The following RAB13 variants were observed in gnomAD, a reference collection of about 807,000 sequenced individuals.
The protein encoded by RAB13 is RAB13, member RAS oncogene family, also known as ras-related protein Rab-13.
In RAB13, 15 loss-of-function variants were observed where a neutral mutation model predicts 29.3. The ratio of observed to expected loss-of-function variants is 0.51; its 90% confidence interval spans 0.34 to 0.79. The LOEUF (loss-of-function observed/expected upper bound fraction) is 0.79, where lower values mean the gene tolerates loss of function less well. RAB13 is among the 30% of genes least tolerant of loss of function. The pLI, the probability that RAB13 is intolerant of heterozygous loss-of-function variation, is 0.01. For missense variants in RAB13, 186 were observed against 255.5 expected (o/e 0.73, Z 1.85); for synonymous variants, 82 against 93.8 (o/e 0.87, Z 0.73).
upstream of RAB13, among the ~76,000 whole-genome samples, chr1:153,987,206 G>C (rs960211765): frequency 6.6e-6 from 1 of 152,120 alleles, no homozygotes; most frequent in Non-Finnish European, 1.5e-5. Flanking sequence ...TGAACAGCAC[G>C]GGTATAAAGA....
At chr1:153,990,624 G>C (rs933484181), upstream of RAB13, 1 of 756,130 alleles carries the variant, frequency 1.3e-6, no homozygotes, top group Non-Finnish European at 2.3e-6. Context: ...AACAGTTAAA[G>C]ACCTTCCGAA....
intron 2 of RAB13, among the ~76,000 whole-genome samples, chr1:153,983,862 T>C (rs1398168076): frequency 4.6e-5 from 7 of 152,156 alleles, no homozygotes; most frequent in Non-Finnish European, 8.8e-5. Flanking sequence ...GTAAGACATG[T>C]ATTATTGTCT....
At chr1:153,982,488 C>A in intron 6 of RAB13, 44 bp from the exon 7 acceptor site, 1 of 1,607,222 alleles carries the variant, frequency 6.2e-7, no homozygotes, top group South Asian at 1.1e-5. Flanking sequence ...GAGAATCTAC[C>A]TTCTAATACT....
upstream of RAB13, among the ~76,000 whole-genome samples, chr1:153,987,244 C>T (rs1649196079): frequency 6.6e-6 from 1 of 152,128 alleles, no homozygotes; most frequent in African/African-American, 2.4e-5. Flanking sequence ...CGGTGGCTCA[C>T]GCCTGTAATC....
At chr1:153,986,367 C>G, upstream of RAB13, 1 of 765,342 alleles carries the variant, frequency 1.3e-6, no homozygotes, top group Non-Finnish European at 2.1e-6. Flanking sequence ...CGCCCAGGCT[C>G]CGGGAAAGAG....
chr1:153,983,701 C>G (rs1571128513), intron 2 of RAB13, 120 bp from the exon 3 acceptor site: 1 of 823,578 alleles, frequency 1.2e-6, no homozygotes. Flanking sequence ...AATAAGGAAA[C>G]AGTAAAGGGG....
At chr1:153,987,773 A>AC (rs1433474741), upstream of RAB13, among the ~76,000 whole-genome samples, 6 of 92,736 alleles carry the variant, frequency 6.5e-5, no homozygotes, top group Non-Finnish European at 1.0e-4. Context: ...GACTGCTTCG[A>AC]CAAAAAAAAA....
At chr1:153,990,650 G>C, upstream of RAB13, 1 of 1,034,888 alleles carries the variant, frequency 9.7e-7, no homozygotes, top group African/African-American at 1.6e-5. Flanking sequence ...CAGCTCCCTT[G>C]TCTCCCCACT....
chr1:153,986,415 C>G (rs1428765517), upstream of RAB13: 2 of 606,058 alleles, frequency 3.3e-6, no homozygotes, highest in Non-Finnish European at 5.8e-6. Flanking sequence ...CCCCTGCCCG[C>G]CCACCCTTTT....
At chr1:153,985,163 C>T (rs910837805) in intron 1 of RAB13, 4 of 1,022,078 alleles carry the variant, frequency 3.9e-6, no homozygotes, top group Non-Finnish European at 4.7e-6. Flanking sequence ...GCCCTCTACT[C>T]TTGGTATCCC....
chr1:153,984,689 G>A, intron 2 of RAB13, 32 bp downstream of exon 2: 5 of 1,581,774 alleles, frequency 3.2e-6, no homozygotes, highest in Non-Finnish European at 4.3e-6. Context: ...AAATGGGGAA[G>A]TCTGGCGAGG....
intron 7 of RAB13, 101 bp downstream of exon 7, chr1:153,982,290 T>C: frequency 6.7e-7 from 1 of 1,502,458 alleles, no homozygotes; most frequent in Non-Finnish European, 9.2e-7. Context: ...GCTCCCCGTT[T>C]TTATCAACAC....
upstream of RAB13, among the ~76,000 whole-genome samples, chr1:153,988,502 A>G (rs1649253028): frequency 6.9e-6 from 1 of 144,644 alleles, no homozygotes; most frequent in East Asian, 2.0e-4. Context: ...CGTGTTAGCC[A>G]GGATGGTTTT....
intron 1 of RAB13, chr1:153,985,080 G>T: frequency 1.8e-6 from 2 of 1,115,242 alleles, no homozygotes; most frequent in Non-Finnish European, 2.2e-6. Context: ...TATACCAGCT[G>T]ACAACTCTCT....
Position 153,982,032 on chromosome 1 carries a change from T to C in RAB13, c.*67A>G, listed in dbSNP as rs1363529245. On this transcript the variant is annotated 3_prime_UTR_variant, in exon 8 of 8. Coordinates refer to ENST00000368575, the MANE Select transcript of RAB13 (RefSeq NM_002870.5). Reference sequence around the variant, plus strand: ...CCAAGCCCCTCTGCTATTTCTCCCCTGCTCACTCCCTCTGCCGTTGTCTCC... The same window carrying C: ...CCAAGCCCCTCTGCTATTTCTCCCCCGCTCACTCCCTCTGCCGTTGTCTCC... 1 of 1,389,070 alleles carries C rather than the reference T, an allele frequency of 7.2e-7. No individual in the cohort carries two copies. Among genetic ancestry groups the C allele is most frequent in the Non-Finnish European group, 1.0e-6 (1 of 976,220 alleles). The allele number at this position is 1,389,070 out of a possible 1,614,324, so 86.0% of individuals were successfully genotyped here.
upstream of RAB13, among the ~76,000 whole-genome samples, chr1:153,987,557 A>T (rs1259128973): frequency 6.6e-6 from 1 of 151,294 alleles, no homozygotes; most frequent in Admixed American, 6.6e-5. Context: ...AGTAAAAGAG[A>T]AACAAGTTTA....
upstream of RAB13, among the ~76,000 whole-genome samples, chr1:153,986,909 CT>C (rs1324883822): frequency 1.3e-5 from 2 of 152,166 alleles, no homozygotes; most frequent in Non-Finnish European, 2.9e-5. Flanking sequence ...AGTCTGCCCC[CT>C]GGTGGAACAG....
In RAB13 at chr1:153,986,194, C is replaced by T; in HGVS notation, c.43G>A (p.Gly15Arg). The change falls in exon 1 of 8, where the codon GGG (glycine) becomes AGG (arginine). Residue 15 changes from glycine (G) to arginine (R), a missense_variant. By Grantham distance (125) the Gly-to-Arg change is moderately radical (BLOSUM62 -2). Transcript: ENST00000368575. ...YDHLFKLLLI[G>R]DSGVGKTCLI... The stretch of plus-strand genomic sequence containing the variant: ...CAAGTCTTGCCCACCCCCGAGTCCC[C>T]GATCAGCAGCAACTTGAAGAGGTGG... 1 of 1,613,574 alleles carries T rather than the reference C, an allele frequency of 6.2e-7. No homozygotes were observed. Among genetic ancestry groups the T allele is most frequent in the Non-Finnish European group, 8.5e-7 (1 of 1,179,808 alleles).
chr1:153,982,993 T>G, intron 4 of RAB13, 185 bp from the exon 5 acceptor site: 1 of 714,794 alleles, frequency 1.4e-6, no homozygotes, highest in South Asian at 1.7e-5. Context: ...AGCATGGTGG[T>G]GCATGCCTGT....
Sources: allele counts gnomAD v4.1 joint callset (sites outside exome capture counted in the v4.1 genomes callset), GRCh38; gene constraint gnomAD v4.1.1; transcripts MANE v1.5; gene names NCBI Gene and HGNC (gene_info 2026-07-23, HGNC 2026-07-21).